ENO4: variants seen among roughly 807,000 people sequenced by gnomAD.
ENO4 encodes enolase 4, also known as 2-phospho-D-glycerate hydro-lyase.
ENO4 carries 53 observed loss-of-function variants against 63.2 expected under a neutral mutation model. That is an observed-to-expected ratio of 0.84 (90% CI 0.67 to 1.05). The LOEUF (loss-of-function observed/expected upper bound fraction) is 1.05, where lower values mean the gene tolerates loss of function less well. ENO4 is among the 50% of genes least tolerant of loss of function. ENO4 has a pLI of 0.00. For missense variants in ENO4, 719 were observed against 772.0 expected (o/e 0.93, Z 0.81); for synonymous variants, 266 against 283.8 (o/e 0.94, Z 0.63).
intron 10 of ENO4, chr10:116,901,929 C>T: frequency 6.2e-7 from 1 of 1,602,718 alleles, no homozygotes; most frequent in South Asian, 1.1e-5. Flanking sequence ...TGGATTTGGA[C>T]TCTGAGGTGG....
At chr10:116,884,275 G>C (rs930325412), downstream of ENO4, 1 of 459,096 alleles carries the variant, frequency 2.2e-6, no homozygotes, top group South Asian at 1.5e-5. Flanking sequence ...ACCCCAGCCA[G>C]GGGCAAAACC....
downstream of ENO4, chr10:116,883,354 C>T (rs1255564967): frequency 6.6e-6 from 1 of 151,798 alleles, no homozygotes; most frequent in East Asian, 1.9e-4. Flanking sequence ...AGTCACATAC[C>T]AAATTAAAAT....
intron 7 of ENO4, among the ~76,000 whole-genome samples, chr10:116,863,388 G>GCA (rs1846469747): frequency 1.5e-4 from 8 of 53,812 alleles, no homozygotes; most frequent in Non-Finnish European, 2.6e-4. Context: ...ACACACACAC[G>GCA]CACACACCTT....
In ENO4 at chr10:116,876,232, C is replaced by A. The variant is rs2133277885; in HGVS notation, c.1509C>A (p.Asp503Glu). 6.5e-7 allele frequency: 1 copy of A among 1,547,230 alleles called. No homozygotes were observed. Among genetic ancestry groups the A allele is most frequent in the East Asian group, 2.5e-5 (1 of 40,710 alleles). The change falls in exon 11 of 14, where the codon GAC (aspartate) becomes GAA (glutamate). Residue 503 changes from aspartate to glutamate, a missense_variant. Around this residue, in one of 3 missense-constraint regions of ENO4, gnomAD observed 168 missense variants for 163.3 expected, o/e 1.03. Transcript: ENST00000341276. ...IKHTNQTTMSDLVEITNLIDS... is the reference protein window; with the variant it reads ...IKHTNQTTMSELVEITNLIDS... ...ACACAAACCAAACTACAATGTCTGA[C>A]TTGGTGGAAATAACCAATCTGATTG...
exon 11 of ENO4, chr10:116,911,742 CCTTT>C: frequency 6.4e-7 from 1 of 1,571,578 alleles, no homozygotes. Flanking sequence ...AAAATACTCT[CCTTT>C]CATTTCCCCA....
intron 7 of ENO4, among the ~76,000 whole-genome samples, chr10:116,867,928 T>A (rs1274638031): frequency 5.3e-5 from 8 of 152,166 alleles, no homozygotes; most frequent in Non-Finnish European, 1.2e-4. Flanking sequence ...CTGTTCAGGG[T>A]CACTGTATGT....
At chr10:116,911,818 C>T (rs1848211811), downstream of ENO4, 1 of 1,612,728 alleles carries the variant, frequency 6.2e-7, no homozygotes, top group South Asian at 1.1e-5. Context: ...ATCCACTGCA[C>T]TTTCGCAGCC....
chr10:116,888,745 T>C (rs745471182), intron 10 of ENO4, among the ~76,000 whole-genome samples: 23 of 152,152 alleles, frequency 1.5e-4, no homozygotes, highest in Non-Finnish European at 3.1e-4. Context: ...AGGAATGTCA[T>C]GCACAAGCTA....
intron 6 of ENO4, 46 bp downstream of exon 6, chr10:116,861,236 AATAT>A (rs57040708): frequency 2.2e-4 from 37 of 167,992 alleles, no homozygotes; most frequent in African/African-American, 3.0e-4. Context: ...AAAAAAAAAA[AATAT>A]ATATATATAT....
chr10:116,895,898 A>G (rs1207336373), intron 10 of ENO4, among the ~76,000 whole-genome samples: 1 of 152,194 alleles, frequency 6.6e-6, no homozygotes, highest in Non-Finnish European at 1.5e-5. Context: ...GGAGAATTAA[A>G]ATAATAAACA....
At chr10:116,896,963 C>T (rs1326850678) in intron 10 of ENO4, among the ~76,000 whole-genome samples, 1 of 152,098 alleles carries the variant, frequency 6.6e-6, no homozygotes, top group African/African-American at 2.4e-5. Flanking sequence ...TGTGCCACCA[C>T]ACCCAACTAA....
intron 7 of ENO4, among the ~76,000 whole-genome samples, chr10:116,868,119 A>G (rs1179585254): frequency 6.6e-6 from 1 of 152,152 alleles, no homozygotes; most frequent in African/African-American, 2.4e-5. Context: ...CACTACACCC[A>G]CCAGATTCAC....
chr10:116,871,398 T>C (rs1846691997), intron 9 of ENO4, 106 bp downstream of exon 9: 3 of 1,050,298 alleles, frequency 2.9e-6, no homozygotes, highest in Admixed American at 3.0e-5. Flanking sequence ...ACAGATCTTA[T>C]TGTTTTTTTA....
intron 9 of ENO4, chr10:116,873,864 G>T: frequency 1.0e-6 from 1 of 984,896 alleles, no homozygotes. Context: ...GAACCCTAGA[G>T]GGCATCAAAA....
intron 10 of ENO4, among the ~76,000 whole-genome samples, chr10:116,905,208 CAAAAA>C (rs772309175): frequency 1.6e-5 from 1 of 63,438 alleles, no homozygotes; most frequent in East Asian, 4.2e-4. Context: ...GACTCCGTCT[CAAAAA>C]AAAAAAAAAA....
intron 13 of ENO4, among the ~76,000 whole-genome samples, chr10:116,880,734 T>G (rs1008452792): frequency 6.6e-6 from 1 of 152,326 alleles, no homozygotes; most frequent in South Asian, 2.1e-4. Context: ...TAGTCTGTAT[T>G]GTTTAGTGTG....
intron 10 of ENO4, chr10:116,901,634 A>G (rs1847740358): frequency 7.4e-7 from 1 of 1,354,038 alleles, no homozygotes; most frequent in Non-Finnish European, 9.4e-7. Flanking sequence ...TGGCCCATCA[A>G]ATGAAAAGAA....
chr10:116,899,546 T>TGTGTGA (rs1311755308), intron 10 of ENO4, among the ~76,000 whole-genome samples: 2,213 of 123,754 alleles, frequency 0.018, 60 homozygotes, highest in African/African-American at 0.062. Flanking sequence ...TGTGTGTGTG[T>TGTGTGA]GAGAGAGTGC....
intron 10 of ENO4, among the ~76,000 whole-genome samples, chr10:116,893,576 G>A (rs1478646573): frequency 3.2e-5 from 4 of 123,524 alleles, no homozygotes; most frequent in Non-Finnish European, 6.6e-5. Flanking sequence ...GCACTCATGT[G>A]CACACACACA....
Sources: gnomAD v4.1 joint callset for allele counts (sites outside exome capture counted in the v4.1 genomes callset) on GRCh38, gnomAD v4.1.1 for gene constraint, gnomAD v4.1.1 regional missense constraint, MANE v1.5 for transcripts, NCBI Gene and HGNC (gene_info 2026-07-23, HGNC 2026-07-21) for gene names.